LRP1B: variants seen among roughly 807,000 people sequenced by gnomAD.
The protein encoded by LRP1B is low-density lipoprotein receptor-related protein 1B.
In LRP1B, 217 loss-of-function variants were observed where a neutral mutation model predicts 556.6. The ratio of observed to expected loss-of-function variants is 0.39; its 90% CI spans 0.35 to 0.44. The LOEUF (loss-of-function observed/expected upper bound fraction) is 0.44. Among genes scored for constraint, LRP1B ranks in the 20% least tolerant of loss-of-function variants. The pLI is 1.00. For synonymous variants in LRP1B, 2,047 were observed against 1,865.8 expected (o/e 1.10, Z -2.50); for missense variants, 5,053 against 5,620.8 (o/e 0.90, Z 3.23).
Position 141,015,684 on chromosome 2 carries a change from T to C in LRP1B, c.2190+12A>G, listed in dbSNP as rs1697880626. The stretch of plus-strand genomic sequence containing the variant: ...AGCCTGTGGGTTAAAAACAGCAGCA[T>C]TTGTCTTTTACCTTCCTGTGAGTCC... On this transcript the variant is annotated intron_variant, in intron 13 of 90. Coordinates refer to ENST00000389484, the MANE Select transcript of LRP1B (RefSeq NM_018557.3). The C allele has an allele frequency of 6.3e-6, 10 of 1,594,220 alleles. No individual in the cohort carries two copies. Among genetic ancestry groups the C allele is most frequent in the Non-Finnish European group, 8.6e-6 (10 of 1,163,214 alleles).
chr2:140,399,073 C>T (rs993462992), intron 66 of LRP1B, among the ~76,000 whole-genome samples: 1 of 151,916 alleles, frequency 6.6e-6, no homozygotes, highest in Non-Finnish European at 1.5e-5. Flanking sequence ...CATTCAAATA[C>T]TTATCTTTCT....
intron 1 of LRP1B, among the ~76,000 whole-genome samples, chr2:141,873,077 C>A (rs910594883): frequency 4.0e-5 from 6 of 151,814 alleles, no homozygotes; most frequent in African/African-American, 1.5e-4. Context: ...GATTTATGAC[C>A]AAAGCAAAGG....
chr2:140,377,949 A>G (rs886309331), intron 68 of LRP1B, among the ~76,000 whole-genome samples: 4 of 152,218 alleles, frequency 2.6e-5, no homozygotes, highest in African/African-American at 7.2e-5. Flanking sequence ...CAACGCAGCT[A>G]TTCACCAGTT....
intron 3 of LRP1B, among the ~76,000 whole-genome samples, chr2:141,261,491 C>A (rs1684682675): frequency 6.6e-6 from 1 of 152,200 alleles, no homozygotes; most frequent in South Asian, 2.1e-4. Context: ...CCCCAAAATA[C>A]CCCCTTTGCA....
intron 84 of LRP1B, among the ~76,000 whole-genome samples, chr2:140,276,838 T>C (rs1204541775): frequency 3.3e-5 from 5 of 151,860 alleles, no homozygotes; most frequent in Non-Finnish European, 5.9e-5. Flanking sequence ...CAGATGAAAA[T>C]TCCAGTGCCG....
At chr2:140,449,024 G>A (rs1164042916) in intron 63 of LRP1B, among the ~76,000 whole-genome samples, 8 of 151,942 alleles carry the variant, frequency 5.3e-5, no homozygotes, top group African/African-American at 1.4e-4. Flanking sequence ...ATTCTGAAAG[G>A]AGTTAAATGG....
chr2:140,775,467 A>ATTT (rs61535948), intron 33 of LRP1B, among the ~76,000 whole-genome samples: 47 of 111,178 alleles, frequency 4.2e-4, no homozygotes, highest in South Asian at 6.6e-4. Flanking sequence ...TTTTTGGTTG[A>ATTT]TTTTTTTTTT....
intron 7 of LRP1B, among the ~76,000 whole-genome samples, chr2:141,154,728 C>A (rs1480627517): frequency 2.6e-5 from 4 of 151,814 alleles, no homozygotes; most frequent in Non-Finnish European, 5.9e-5. Context: ...TCCTCTAATT[C>A]TGAATTTTCA....
At chr2:141,198,034 A>T (rs1249445) in intron 6 of LRP1B, among the ~76,000 whole-genome samples, 1,947 of 152,244 alleles carry the variant, frequency 0.013, 35 homozygotes, top group African/African-American at 0.044. Flanking sequence ...ATTATGAAGA[A>T]ACCTATTCCA....
intron 59 of LRP1B, among the ~76,000 whole-genome samples, chr2:140,483,636 ATATAT>A (rs1396526443): frequency 8.7e-3 from 629 of 72,306 alleles, no homozygotes; most frequent in African/African-American, 0.017. Flanking sequence ...ATATATATAT[ATATAT>A]TTTTTTTTTT....
chr2:141,032,564 T>G (rs1698403473), intron 11 of LRP1B, among the ~76,000 whole-genome samples: 1 of 152,034 alleles, frequency 6.6e-6, no homozygotes, highest in Non-Finnish European at 1.5e-5. Context: ...TACATTTTTG[T>G]GATTAGTATG....
chr2:140,504,653 C>A (rs930150404), intron 53 of LRP1B, among the ~76,000 whole-genome samples: 3 of 152,124 alleles, frequency 2.0e-5, no homozygotes, highest in Non-Finnish European at 4.4e-5. Context: ...ACAAAATTAA[C>A]CCTTAACCTC....
chr2:141,485,710 A>G (rs2105100757), intron 2 of LRP1B, among the ~76,000 whole-genome samples: 1 of 152,292 alleles, frequency 6.6e-6, no homozygotes, highest in East Asian at 1.9e-4. Flanking sequence ...GTAAATGGAC[A>G]GAAGAGCCAC....
chr2:141,984,759 C>A (rs571245689), intron 1 of LRP1B, among the ~76,000 whole-genome samples: 3 of 152,226 alleles, frequency 2.0e-5, no homozygotes, highest in African/African-American at 7.2e-5. Flanking sequence ...CACTCTAATA[C>A]ACTTTACCCA....
intron 35 of LRP1B, among the ~76,000 whole-genome samples, chr2:140,761,962 A>T (rs1375499785): frequency 1.4e-5 from 2 of 144,462 alleles, no homozygotes; most frequent in Middle Eastern, 3.4e-3. Flanking sequence ...GACAATCATA[A>T]TGATGATAAC....
chr2:141,130,538 T>G (rs1298627108), intron 7 of LRP1B, among the ~76,000 whole-genome samples: 1 of 152,098 alleles, frequency 6.6e-6, no homozygotes, highest in African/African-American at 2.4e-5. Context: ...ATATTAAAAT[T>G]TAAAAGATGT....
At chr2:140,492,913 T>C (rs1009654719) in intron 56 of LRP1B, among the ~76,000 whole-genome samples, 1 of 152,154 alleles carries the variant, frequency 6.6e-6, no homozygotes, top group Non-Finnish European at 1.5e-5. Flanking sequence ...TCTAAGTGCA[T>C]CCCTTGCTTC....
intron 86 of LRP1B, among the ~76,000 whole-genome samples, chr2:140,261,362 CAG>C (rs1681928358): frequency 6.6e-6 from 1 of 151,740 alleles, no homozygotes; most frequent in Non-Finnish European, 1.5e-5. Context: ...ATGGGACACA[CAG>C]AGGGGATGTA....
At position 141,020,581 on chromosome 2, in the gene LRP1B, AAC is replaced by A. The variant is rs146558132; in HGVS notation, c.1790-481_1790-480del. 7.5e-3 allele frequency among the ~76,000 whole-genome samples: 1,134 copies of A among 152,140 alleles called. 17 individuals are homozygous for A. Among genetic ancestry groups the A allele is most frequent in the African/African-American group, 0.025 (1,031 of 41,544 alleles). ...ATGAATGTCCTCTTGCCCAAGGATG[AAC>A]AGTTTCAGCAGGGGCACAAGTATGA... On this transcript the variant is annotated intron_variant, in intron 11 of 90. Coordinates refer to ENST00000389484, the MANE Select transcript of LRP1B (RefSeq NM_018557.3).
Sources: gnomAD v4.1 joint callset for allele counts (sites outside exome capture counted in the v4.1 genomes callset) on GRCh38, gnomAD v4.1.1 for gene constraint, MANE v1.5 for transcripts, NCBI Gene and HGNC (gene_info 2026-07-23, HGNC 2026-07-21) for gene names.